The following ATP8B4 variants were observed in gnomAD, a reference collection of about 807,000 sequenced individuals.
ATP8B4 encodes the protein ATPase phospholipid transporting 8B4 (putative).
ATP8B4 carries 133 observed loss-of-function variants against 145.6 expected under a neutral mutation model. The ratio of observed to expected loss-of-function variants is 0.91; its 90% confidence interval spans 0.79 to 1.05. ATP8B4 has a LOEUF of 1.05. Ranked by LOEUF, ATP8B4 falls within the 50% of genes least tolerant of loss-of-function variation. The pLI, the probability that ATP8B4 is intolerant of heterozygous loss-of-function variation, is 0.00. For missense variants in ATP8B4, 1,458 were observed against 1,425.2 expected, an observed-to-expected ratio of 1.02 and a Z score of -0.37; for synonymous variants, 507 against 492.9, an observed-to-expected ratio of 1.03 and a Z score of -0.38.
At chr15:49,924,549 G>A (rs1312290828) in intron 16 of ATP8B4, among the ~76,000 whole-genome samples, 1 of 152,054 alleles carries the variant, frequency 6.6e-6, no homozygotes, top group Non-Finnish European at 1.5e-5. Context: ...TTAATGTAAT[G>A]CCAAAGAAAA....
intron 23 of ATP8B4, among the ~76,000 whole-genome samples, chr15:49,883,859 T>TA (rs2035811433): frequency 6.6e-6 from 1 of 152,132 alleles, no homozygotes; most frequent in Admixed American, 6.5e-5. Context: ...AGGGGATCCA[T>TA]AATGTCAAAA....
intron 7 of ATP8B4, among the ~76,000 whole-genome samples, chr15:50,007,984 G>A (rs1461962557): frequency 6.6e-6 from 1 of 152,158 alleles, no homozygotes; most frequent in Non-Finnish European, 1.5e-5. Context: ...GTCAAACAGA[G>A]AACAATGGAG....
chr15:50,050,564 A>G (rs2052098347), intron 3 of ATP8B4, among the ~76,000 whole-genome samples: 1 of 152,116 alleles, frequency 6.6e-6, no homozygotes, highest in Non-Finnish European at 1.5e-5. Context: ...GTGTCATCAG[A>G]AAATTTCAAA....
chr15:49,985,066 TA>T (rs758026099), intron 10 of ATP8B4, among the ~76,000 whole-genome samples: 8 of 151,900 alleles, frequency 5.3e-5, no homozygotes, highest in Non-Finnish European at 1.2e-4. Flanking sequence ...ACTAGAGTAA[TA>T]ACACAGAAAG....
intron 11 of ATP8B4, among the ~76,000 whole-genome samples, chr15:49,980,383 T>A (rs1259843366): frequency 6.6e-6 from 1 of 151,964 alleles, no homozygotes; most frequent in Non-Finnish European, 1.5e-5. Context: ...TCACAGTCTT[T>A]ATATTTTAAA....
chr15:49,995,480 C>G (rs2047349646), intron 9 of ATP8B4, among the ~76,000 whole-genome samples: 1 of 152,130 alleles, frequency 6.6e-6, no homozygotes, highest in African/African-American at 2.4e-5. Context: ...CCTGGCTACT[C>G]TCTGACTTCA....
intron 9 of ATP8B4, among the ~76,000 whole-genome samples, chr15:49,994,256 A>C (rs1274711601): frequency 6.6e-6 from 1 of 151,988 alleles, no homozygotes; most frequent in African/African-American, 2.4e-5. Context: ...AGGATCCAGC[A>C]CTCCTTCCTG....
intron 1 of ATP8B4, among the ~76,000 whole-genome samples, chr15:50,136,467 G>A (rs769774519): frequency 3.9e-5 from 6 of 152,218 alleles, no homozygotes; most frequent in Non-Finnish European, 2.9e-5. Context: ...ATAAAGCCAG[G>A]CTGGGGCAAA....
chr15:50,145,275 G>T (rs2044262232), intron 1 of ATP8B4, among the ~76,000 whole-genome samples: 1 of 152,126 alleles, frequency 6.6e-6, no homozygotes, highest in African/African-American at 2.4e-5. Flanking sequence ...AATCTTAAGG[G>T]TTTTTTAACA....
intron 1 of ATP8B4, among the ~76,000 whole-genome samples, chr15:50,157,109 T>C (rs1325948016): frequency 6.6e-6 from 1 of 152,052 alleles, no homozygotes; most frequent in Admixed American, 6.6e-5. Context: ...ACAAGTAAAT[T>C]TACCAGAAAA....
At chr15:49,975,392 C>CTATCCATA (rs2153526982) in intron 12 of ATP8B4, among the ~76,000 whole-genome samples, 1 of 152,186 alleles carries the variant, frequency 6.6e-6, no homozygotes, top group South Asian at 2.1e-4. Context: ...TGCATATAGC[C>CTATCCATA]TATCCATAAC....
chr15:49,998,362 T>TA (rs1268169741), intron 8 of ATP8B4, among the ~76,000 whole-genome samples: 2 of 152,170 alleles, frequency 1.3e-5, no homozygotes, highest in Non-Finnish European at 2.9e-5. Context: ...ACCAACAGTG[T>TA]AAAAGTGTTC....
chr15:49,862,804 G>C (rs1222750990), intron 26 of ATP8B4, among the ~76,000 whole-genome samples: 1 of 152,184 alleles, frequency 6.6e-6, no homozygotes, highest in African/African-American at 2.4e-5. Flanking sequence ...TCACCATGAT[G>C]ATAAGAAGGC....
intron 3 of ATP8B4, among the ~76,000 whole-genome samples, chr15:50,070,992 C>T (rs1245461431): frequency 2.6e-5 from 4 of 152,126 alleles, no homozygotes; most frequent in East Asian, 1.9e-4. Flanking sequence ...CCACCCACCT[C>T]GGACTCCCAA....
At chr15:50,009,657 T>A (rs1283919549) in intron 7 of ATP8B4, 1 of 455,056 alleles carries the variant, frequency 2.2e-6, no homozygotes, top group South Asian at 1.6e-5. Flanking sequence ...TCCAGGGTAT[T>A]ATTCCTAATC....
intron 1 of ATP8B4, among the ~76,000 whole-genome samples, chr15:50,153,301 G>C (rs2044369251): frequency 6.6e-6 from 1 of 150,566 alleles, no homozygotes; most frequent in African/African-American, 2.4e-5. Flanking sequence ...CAAAAAAGTT[G>C]AAGGAAAGAG....
chr15:49,989,423 TAAAAA>T (rs11429655), intron 9 of ATP8B4, among the ~76,000 whole-genome samples: 5 of 148,484 alleles, frequency 3.4e-5, no homozygotes, highest in Non-Finnish European at 7.5e-5. Flanking sequence ...CCTAGCCACT[TAAAAA>T]AAAAAAATGT....
chr15:49,862,499 G>C (rs1444403337), intron 26 of ATP8B4, 124 bp from the exon 27 acceptor site: 1 of 1,143,350 alleles, frequency 8.7e-7, no homozygotes, highest in African/African-American at 1.6e-5. Flanking sequence ...TGTCTTCCAG[G>C]CTGGTGGAAT....
intron 10 of ATP8B4, among the ~76,000 whole-genome samples, chr15:49,981,802 T>G (rs1447249754): frequency 6.6e-6 from 1 of 152,114 alleles, no homozygotes; most frequent in African/African-American, 2.4e-5. Flanking sequence ...ATTTAAACCT[T>G]TATTGTGTAT....
Sources: allele counts gnomAD v4.1 joint callset (sites outside exome capture counted in the v4.1 genomes callset), GRCh38; gene constraint gnomAD v4.1.1; transcripts MANE v1.5; gene names NCBI Gene and HGNC (gene_info 2026-07-23, HGNC 2026-07-21).